The following ZNF385D variants were observed in gnomAD, a reference collection of about 807,000 sequenced individuals.
ZNF385D encodes the protein zinc finger protein 385D.
Under a neutral mutation model 35.8 loss-of-function variants are expected in ZNF385D, and 15 were observed. The observed-to-expected ratio is 0.42, with a 90% CI of 0.28 to 0.64. The LOEUF is 0.64. ZNF385D is among the 30% of genes least tolerant of loss of function. The probability of loss-of-function intolerance (pLI) is 0.23; values close to 1 mark genes in which losing one functional copy is unlikely to be tolerated. For missense variants in ZNF385D, 474 were observed against 494.6 expected, an observed-to-expected ratio of 0.96 and a Z score of 0.39; for synonymous variants, 212 against 186.8, an observed-to-expected ratio of 1.13 and a Z score of -1.10.
intron 2 of ZNF385D, among the ~76,000 whole-genome samples, chr3:22,327,912 T>C (rs1022491266): frequency 8.5e-5 from 13 of 152,214 alleles, no homozygotes; most frequent in African/African-American, 3.1e-4. Context: ...TAACAAAACC[T>C]AATAATTTTA....
chr3:22,332,815 C>T (rs867921188), intron 2 of ZNF385D, among the ~76,000 whole-genome samples: 1 of 151,888 alleles, frequency 6.6e-6, no homozygotes, highest in Non-Finnish European at 1.5e-5. Context: ...TGGAAATAAA[C>T]CAGCCTATGA....
At chr3:22,322,946 G>T (rs528413281) in intron 2 of ZNF385D, among the ~76,000 whole-genome samples, 2 of 152,228 alleles carry the variant, frequency 1.3e-5, no homozygotes, top group South Asian at 4.2e-4. Context: ...CATTGCTATG[G>T]CACCTTAAAT....
intron 1 of ZNF385D, among the ~76,000 whole-genome samples, chr3:21,709,059 C>T (rs974825086): frequency 3.9e-5 from 6 of 152,132 alleles, no homozygotes; most frequent in Non-Finnish European, 7.4e-5. Context: ...AATTAAAACT[C>T]TCACAGGCTC....
chr3:21,954,351 A>C (rs1486627291), intron 3 of ZNF385D, among the ~76,000 whole-genome samples: 1 of 152,018 alleles, frequency 6.6e-6, no homozygotes, highest in Non-Finnish European at 1.5e-5. Flanking sequence ...TCAAGTAAAC[A>C]CATAGGGATC....
intron 3 of ZNF385D, among the ~76,000 whole-genome samples, chr3:21,982,683 T>C (rs1358435274): frequency 6.6e-6 from 1 of 152,164 alleles, no homozygotes; most frequent in Non-Finnish European, 1.5e-5. Context: ...GGAATACTGC[T>C]AGCTTTTGCC....
chr3:22,014,006 G>T (rs1696729026), intron 3 of ZNF385D, among the ~76,000 whole-genome samples: 1 of 152,138 alleles, frequency 6.6e-6, no homozygotes, highest in Admixed American at 6.5e-5. Flanking sequence ...TGGCAGGACA[G>T]ATTGCAAAAA....
chr3:22,244,688 AC>A (rs1383379282), intron 2 of ZNF385D, among the ~76,000 whole-genome samples: 1 of 150,988 alleles, frequency 6.6e-6, no homozygotes, highest in Admixed American at 6.6e-5. Context: ...ATGGTCTGCA[AC>A]TCTATGCTGA....
intron 2 of ZNF385D, among the ~76,000 whole-genome samples, chr3:21,569,125 TTC>T (rs1174550347): frequency 6.6e-6 from 1 of 152,136 alleles, no homozygotes; most frequent in Non-Finnish European, 1.5e-5. Context: ...CTTGTTAACT[TTC>T]TGTCTCATTG....
intron 3 of ZNF385D, among the ~76,000 whole-genome samples, chr3:21,818,615 G>T (rs745547633): frequency 6.6e-5 from 10 of 151,954 alleles, no homozygotes; most frequent in Non-Finnish European, 1.0e-4. Flanking sequence ...TAGAGCATGG[G>T]CGTATGGAGG....
intron 2 of ZNF385D, among the ~76,000 whole-genome samples, chr3:22,319,640 C>T (rs1694307181): frequency 6.6e-6 from 1 of 152,106 alleles, no homozygotes. Context: ...TTGTGAATCC[C>T]TGAACACTGA....
At chr3:22,200,483 G>C (rs1333606582) in intron 2 of ZNF385D, among the ~76,000 whole-genome samples, 1 of 152,016 alleles carries the variant, frequency 6.6e-6, no homozygotes, top group Non-Finnish European at 1.5e-5. Flanking sequence ...CAAGGTAATA[G>C]AATATCACAA....
At chr3:22,124,738 ATCT>A (rs1188986578) in intron 3 of ZNF385D, among the ~76,000 whole-genome samples, 2 of 152,090 alleles carry the variant, frequency 1.3e-5, no homozygotes, top group African/African-American at 4.8e-5. Flanking sequence ...GTCTATTCAG[ATCT>A]TCTGTCCACT....
chr3:21,928,039 C>A (rs1359752970), intron 3 of ZNF385D, among the ~76,000 whole-genome samples: 2 of 152,008 alleles, frequency 1.3e-5, no homozygotes, highest in African/African-American at 2.4e-5. Flanking sequence ...CCCCAGGCAA[C>A]AGAGCAAGAC....
intron 4 of ZNF385D, among the ~76,000 whole-genome samples, chr3:21,454,308 G>C (rs1702646662): frequency 6.6e-6 from 1 of 151,998 alleles, no homozygotes; most frequent in Non-Finnish European, 1.5e-5. Flanking sequence ...GTAAAGGCCT[G>C]TTTGTATACT....
At chr3:22,062,919 A>G (rs932432366) in intron 3 of ZNF385D, among the ~76,000 whole-genome samples, 7 of 152,180 alleles carry the variant, frequency 4.6e-5, no homozygotes, top group African/African-American at 1.7e-4. Flanking sequence ...TAGGCCTTCA[A>G]ATGACTGCAG....
At chr3:21,846,653 G>T (rs1696024104) in intron 3 of ZNF385D, among the ~76,000 whole-genome samples, 1 of 151,970 alleles carries the variant, frequency 6.6e-6, no homozygotes, top group Admixed American at 6.6e-5. Flanking sequence ...CTAAGAGAAT[G>T]GAAAATGACT....
chr3:22,020,203 G>C (rs1697141590), intron 3 of ZNF385D, among the ~76,000 whole-genome samples: 1 of 151,786 alleles, frequency 6.6e-6, no homozygotes, highest in South Asian at 2.1e-4. Flanking sequence ...AAAGTGGTGT[G>C]GGGTACAGAA....
At chr3:21,747,737 T>C (rs367929933) in intron 1 of ZNF385D, among the ~76,000 whole-genome samples, 5 of 152,308 alleles carry the variant, frequency 3.3e-5, no homozygotes, top group African/African-American at 1.2e-4. Flanking sequence ...ACAGTCCTCT[T>C]AACCAAACTG....
chr3:21,694,162 G>A (rs1049636155), intron 1 of ZNF385D, among the ~76,000 whole-genome samples: 4 of 150,070 alleles, frequency 2.7e-5, no homozygotes, highest in Non-Finnish European at 3.0e-5. Context: ...TCCTGCCTCA[G>A]CCTCCCGAGT....
Sources: gnomAD v4.1 joint callset for allele counts (sites outside exome capture counted in the v4.1 genomes callset) on GRCh38, gnomAD v4.1.1 for gene constraint, MANE v1.5 for transcripts, NCBI Gene and HGNC (gene_info 2026-07-23, HGNC 2026-07-21) for gene names.